CHN1: variants seen among roughly 807,000 people sequenced by gnomAD.
CHN1 encodes the protein chimerin 1.
Under a neutral mutation model 59.5 loss-of-function variants are expected in CHN1, and 37 were observed. That is an observed-to-expected ratio of 0.62 (90% CI 0.48 to 0.82). CHN1 has a LOEUF of 0.82. Among genes scored for constraint, CHN1 ranks in the 40% least tolerant of loss-of-function variants. The pLI, the probability that CHN1 is intolerant of heterozygous loss-of-function variation, is 0.00. For synonymous variants in CHN1, 206 were observed against 200.4 expected (o/e 1.03, Z -0.24); for missense variants, 469 against 571.0 (o/e 0.82, Z 1.82).
chr2:174,987,397 CTCTTTTT>C (rs1464878895), intron 1 of CHN1, among the ~76,000 whole-genome samples: 1 of 150,584 alleles, frequency 6.6e-6, no homozygotes, highest in Non-Finnish European at 1.5e-5. Flanking sequence ...GGTCATAATA[CTCTTTTT>C]TCTTTTTTTT....
chr2:174,928,389 G>C (rs551321913), intron 3 of CHN1, among the ~76,000 whole-genome samples: 1 of 152,066 alleles, frequency 6.6e-6, no homozygotes, highest in African/African-American at 2.4e-5. Flanking sequence ...GGATCTAACC[G>C]TTGTTTAAAG....
chr2:174,955,134 A>G (rs1019890168), intron 1 of CHN1, among the ~76,000 whole-genome samples: 4 of 144,644 alleles, frequency 2.8e-5, no homozygotes, highest in Admixed American at 7.0e-5. Context: ...TCTAATATAG[A>G]TCTATATATC....
At chr2:174,887,316 TAAC>T (rs5836476) in intron 5 of CHN1, among the ~76,000 whole-genome samples, 3,569 of 152,256 alleles carry the variant, frequency 0.023, 161 homozygotes, top group African/African-American at 0.082. Context: ...ATTATCAACA[TAAC>T]AATAGTTACC....
At chr2:174,868,144 ATATCT>A (rs1443103739) in intron 6 of CHN1, among the ~76,000 whole-genome samples, 2 of 152,170 alleles carry the variant, frequency 1.3e-5, no homozygotes, top group Non-Finnish European at 2.9e-5. Context: ...ACTTGGAAAA[ATATCT>A]TAAATTTATT....
intron 1 of CHN1, among the ~76,000 whole-genome samples, chr2:175,004,673 G>A (rs1692001949): frequency 6.6e-6 from 1 of 152,054 alleles, no homozygotes; most frequent in African/African-American, 2.4e-5. Context: ...CCGAGAATTG[G>A]CCAGGGGAGC....
chr2:174,802,011 A>G (rs967052224), intron 11 of CHN1, 199 bp from the exon 12 acceptor site: 10 of 437,352 alleles, frequency 2.3e-5, no homozygotes, highest in Non-Finnish European at 4.3e-5. Context: ...ATGTGGCAAC[A>G]CTATTTACTT....
chr2:174,939,504 T>C (rs1229728533), intron 3 of CHN1, among the ~76,000 whole-genome samples: 2 of 152,200 alleles, frequency 1.3e-5, no homozygotes, highest in African/African-American at 4.8e-5. Context: ...CTTTTTATTA[T>C]GTCTTCATTT....
In CHN1 at chr2:174,808,914, C is replaced by G. The variant is rs772387420; in HGVS notation, c.1093G>C (p.Glu365Gln). 4 of 1,613,682 alleles carry G rather than the reference C, an allele frequency of 2.5e-6. No individual in the cohort carries two copies. Among genetic ancestry groups the G allele is most frequent in the Non-Finnish European group, 3.4e-6 (4 of 1,179,746 alleles). ...ITYDAYPKFI[E>Q]SAKIMDPDEQ... ...ATGCATTCATACTTACTGGCAGATTCTATAAACTTAGGGTAGGCATCATAT... is the reference window on the plus strand; with the variant it reads ...ATGCATTCATACTTACTGGCAGATTGTATAAACTTAGGGTAGGCATCATAT... The change falls in exon 11 of 13, where the codon GAA becomes CAA. Residue 365 changes from glutamate to glutamine, a missense_variant. Coordinates refer to ENST00000409900, the MANE Select transcript of CHN1 (RefSeq NM_001822.7).
intron 6 of CHN1, among the ~76,000 whole-genome samples, chr2:174,876,846 A>G (rs1017773426): frequency 8.5e-5 from 13 of 152,264 alleles, no homozygotes; most frequent in African/African-American, 3.1e-4. Context: ...TACGCTTGCT[A>G]TCTCACTCAC....
intron 8 of CHN1, among the ~76,000 whole-genome samples, chr2:174,814,469 A>G (rs1558934769): frequency 6.6e-6 from 1 of 152,214 alleles, no homozygotes; most frequent in Non-Finnish European, 1.5e-5. Context: ...TGAATATTTT[A>G]ATGTTTTGGG....
intron 1 of CHN1, among the ~76,000 whole-genome samples, chr2:174,973,103 G>T (rs1266289677): frequency 2.0e-5 from 3 of 152,064 alleles, no homozygotes; most frequent in African/African-American, 7.2e-5. Flanking sequence ...TCCACACTGG[G>T]TCATCACAGT....
intron 11 of CHN1, among the ~76,000 whole-genome samples, chr2:174,803,398 G>C (rs1414553855): frequency 6.6e-6 from 1 of 152,102 alleles, no homozygotes; most frequent in Non-Finnish European, 1.5e-5. Flanking sequence ...TTTGAATGAA[G>C]AATGTATTTG....
At chr2:174,928,051 G>A (rs1689227671) in intron 3 of CHN1, among the ~76,000 whole-genome samples, 1 of 152,056 alleles carries the variant, frequency 6.6e-6, no homozygotes, top group South Asian at 2.1e-4. Flanking sequence ...AAGGGGAAAA[G>A]GAGAACAATA....
chr2:174,995,002 G>A (rs1691661744), intron 1 of CHN1, among the ~76,000 whole-genome samples: 1 of 152,288 alleles, frequency 6.6e-6, no homozygotes, highest in East Asian at 1.9e-4. Flanking sequence ...CAAGGAAAAT[G>A]TGAAATAATA....
At chr2:174,992,799 A>C (rs1691584202) in intron 1 of CHN1, among the ~76,000 whole-genome samples, 1 of 150,528 alleles carries the variant, frequency 6.6e-6, no homozygotes, top group Non-Finnish European at 1.5e-5. Context: ...TTTGATATCT[A>C]ATCACTTTTT....
intron 5 of CHN1, among the ~76,000 whole-genome samples, chr2:174,887,278 AT>A (rs1687921832): frequency 6.6e-6 from 1 of 152,188 alleles, no homozygotes; most frequent in Non-Finnish European, 1.5e-5. Flanking sequence ...GGCATCAGAT[AT>A]AATCAACCTA....
intron 1 of CHN1, 85 bp downstream of exon 1, chr2:175,004,809 C>T (rs1397156275): frequency 2.4e-6 from 2 of 843,396 alleles, no homozygotes; most frequent in African/African-American, 3.7e-5. Context: ...GCCCCCTCCC[C>T]GGGCGCCCAG....
chr2:174,954,938 GTATCTACCCAGAAGAAAAGAAGTCATTA>G, intron 1 of CHN1, among the ~76,000 whole-genome samples: 1 of 151,996 alleles, frequency 6.6e-6, no homozygotes, highest in South Asian at 2.1e-4. Flanking sequence ...CCACTCCTGG[GTATCTACCCAGAAGAAAAGAAGTCATTA>G]TATGAAAAAG....
rs541992973 is a variant in CHN1 at position 175,004,947 on chromosome 2, C to T, written c.-35G>A. 1 of 1,525,498 alleles carries T rather than the reference C, an allele frequency of 6.6e-7. No homozygotes were observed. Among genetic ancestry groups the T allele is most frequent in the South Asian group, 1.2e-5 (1 of 82,020 alleles). 94.5% of individuals were successfully genotyped at this position (1,525,498 alleles called of 1,614,324 possible). A position where few individuals can be genotyped will look rare whatever the true frequency, so the allele number is the denominator to read the frequency against. On this transcript the variant is annotated 5_prime_UTR_variant, in exon 1 of 13. Coordinates refer to ENST00000409900, the MANE Select transcript of CHN1 (RefSeq NM_001822.7). ...GCTCGCCGCCGCCCGCGAGTCCAGG[C>T]GCTCCTCCCAGGCGGGCTAGGGATC...
Sources: allele counts gnomAD v4.1 joint callset (sites outside exome capture counted in the v4.1 genomes callset), GRCh38; gene constraint gnomAD v4.1.1; transcripts MANE v1.5; gene names NCBI Gene and HGNC (gene_info 2026-07-23, HGNC 2026-07-21).